DGKD: variants seen among roughly 807,000 people sequenced by gnomAD.
The protein encoded by DGKD is diacylglycerol kinase delta.
A neutral mutation model predicts 154.4 loss-of-function variants in DGKD; 68 were observed. That is an observed-to-expected ratio of 0.44 (90% CI 0.36 to 0.54). The LOEUF (loss-of-function observed/expected upper bound fraction) is 0.54. Among genes scored for constraint, DGKD ranks in the 20% least tolerant of loss-of-function variants. The probability of loss-of-function intolerance (pLI) is 0.00; values close to 1 mark genes in which losing one functional copy is unlikely to be tolerated. For synonymous variants in DGKD, 693 were observed against 638.0 expected (o/e 1.09, Z -1.30); for missense variants, 1,343 against 1,593.6 (o/e 0.84, Z 2.68).
Position 233,354,787 on chromosome 2 carries a change from G to C in DGKD, c.156+113G>C. ...CCAGGCCCGGCTCGGCCCGGCCCGG[G>C]GTCCCGCGGGCGTCACCGCCCCTGT... is the stretch of plus-strand genomic sequence containing the variant. On this transcript the variant is annotated intron_variant, in intron 1 of 29. Transcript: ENST00000264057. This position sits in a 1 kb window ranked among gnomAD's most constrained non-coding sequence, Gnocchi z 4.8. 2 of 559,624 alleles carry C rather than the reference G, an allele frequency of 3.6e-6. No homozygotes were observed. Among genetic ancestry groups the C allele is most frequent in the South Asian group, 7.6e-5 (1 of 13,174 alleles). 34.7% of individuals were successfully genotyped at this position (559,624 alleles called of 1,614,324 possible).
At position 233,438,755 on chromosome 2, in the gene DGKD, CATCTATCT is replaced by C. The variant is rs3835771; in HGVS notation, c.1085+429_1085+436del. Among the ~76,000 whole-genome samples the C allele has an allele frequency of 0.19, 24,740 of 132,008 alleles. 2,353 individuals carry two copies. The highest frequency in any genetic ancestry group is 0.26 in the South Asian group (1,071 of 4,102). 86.6% of individuals were successfully genotyped at this position (132,008 alleles called of 152,430 possible). A position where few individuals can be genotyped will look rare whatever the true frequency, so the allele number is the denominator to read the frequency against. On this transcript the variant is annotated intron_variant, in intron 9 of 29. Transcript: ENST00000264057. This position sits in a 1 kb window ranked among gnomAD's most constrained non-coding sequence, Gnocchi z 4.1. ...ATTTTTTATTTATCTGTCTATCTATCATCTATCTATCTATCTATCTATCTATCTATCTA... is the reference window on the plus strand; with the variant it reads ...ATTTTTTATTTATCTGTCTATCTATCATCTATCTATCTATCTATCTATCTA...
intron 3 of DGKD, among the ~76,000 whole-genome samples, chr2:233,397,778 G>A (rs558153873): frequency 5.9e-4 from 90 of 152,186 alleles, no homozygotes; most frequent in Non-Finnish European, 1.1e-3. Flanking sequence ...TGTTAGGAGA[G>A]AGTGGAGTGG....
In DGKD at chr2:233,397,547, G is replaced by T. The variant is rs1217335590; in HGVS notation, c.348+7064G>T. Among the ~76,000 whole-genome samples, 31 of 65,594 alleles carry T rather than the reference G, an allele frequency of 4.7e-4. 1 individual carries two copies. Among genetic ancestry groups the T allele is most frequent in the Non-Finnish European group, 8.1e-4 (27 of 33,514 alleles). 43.0% of individuals were successfully genotyped at this position (65,594 alleles called of 152,430 possible). ...GGACCAGGGTGGCTGGGGGGGGGGGGCAGAGTGAGAGGACACCAGAGGGGA... is the reference window on the plus strand; with the variant it reads ...GGACCAGGGTGGCTGGGGGGGGGGGTCAGAGTGAGAGGACACCAGAGGGGA... On this transcript the variant is annotated intron_variant, in intron 3 of 29. Transcript: ENST00000264057.
chr2:233,372,809 G>T (rs191012777), intron 1 of DGKD, among the ~76,000 whole-genome samples: 1 of 152,156 alleles, frequency 6.6e-6, no homozygotes, highest in South Asian at 2.1e-4. Context: ...GACTTAGTGA[G>T]TGTCTGAATA....
intron 3 of DGKD, among the ~76,000 whole-genome samples, chr2:233,410,435 C>T (rs1410477886): frequency 6.6e-6 from 1 of 152,176 alleles, no homozygotes; most frequent in Non-Finnish European, 1.5e-5. Context: ...GGTTTGCTTC[C>T]TGTGAAAACT....
At chr2:233,464,309 G>A (rs2063761709) in intron 27 of DGKD, 26 bp downstream of exon 27, 1 of 1,609,864 alleles carries the variant, frequency 6.2e-7, no homozygotes, top group South Asian at 1.1e-5. Flanking sequence ...GGCTGTGCCT[G>A]GGTCTCCCGG....
At chr2:233,376,841 G>A (rs549071321) in intron 1 of DGKD, among the ~76,000 whole-genome samples, 3 of 152,174 alleles carry the variant, frequency 2.0e-5, no homozygotes, top group Non-Finnish European at 2.9e-5. Context: ...TCAGCCTCCT[G>A]GGTGCTGCTG....
Position 233,438,112 on chromosome 2 carries a change from C to A in DGKD, c.923-105C>A. The A allele has an allele frequency of 7.8e-7, 1 of 1,284,066 alleles. No homozygotes were observed. The highest frequency in any genetic ancestry group is 1.1e-6 in the Non-Finnish European group (1 of 912,924). The allele number at this position is 1,284,066 out of a possible 1,614,324, so 79.5% of individuals were successfully genotyped here. A position where few individuals can be genotyped will look rare whatever the true frequency, so the allele number is the denominator to read the frequency against. On this transcript the variant is annotated intron_variant, in intron 8 of 29. Transcript: ENST00000264057. The surrounding 1 kb of genome is among the most constrained non-coding windows in gnomAD (Gnocchi z 4.1). ...TCCTGACTTACAGGTGTGCATGTGT[C>A]AGGTGTGTGTCCTTTGGGGGGGTCT...
intron 12 of DGKD, 65 bp from the exon 13 acceptor site, chr2:233,448,022 C>T: frequency 6.2e-7 from 1 of 1,603,542 alleles, no homozygotes; most frequent in African/African-American, 1.3e-5. Context: ...GACAGAGTCA[C>T]TGGGACTGTC....
At chr2:233,394,467 C>G (rs1246609442) in intron 3 of DGKD, among the ~76,000 whole-genome samples, 1 of 151,944 alleles carries the variant, frequency 6.6e-6, no homozygotes, top group African/African-American at 2.4e-5. Context: ...TGGTCTCAAA[C>G]TCCTGGCATC....
At position 233,440,509 on chromosome 2, in the gene DGKD, G is replaced by A. The variant is rs1050710163; in HGVS notation, c.1086-1378G>A. ...CTGGGAACCCGGTGGGGGCAGGGTC[G>A]CAAGTCAAACTGGGCGTCCTTCCAC... On this transcript the variant is annotated intron_variant, in intron 9 of 29. Transcript: ENST00000264057. This position sits in a 1 kb window ranked among gnomAD's most constrained non-coding sequence, Gnocchi z 4.9. Among the ~76,000 whole-genome samples the A allele has an allele frequency of 3.9e-5, 6 of 152,132 alleles. No individual in the cohort carries two copies. The highest frequency in any genetic ancestry group is 5.9e-5 in the Non-Finnish European group (4 of 68,032).
intron 17 of DGKD, 121 bp downstream of exon 17, chr2:233,451,171 G>C: frequency 1.4e-5 from 9 of 622,762 alleles, no homozygotes; most frequent in Non-Finnish European, 1.4e-5. Flanking sequence ...AAGATAGGTG[G>C]AATTGAAAAA....
In DGKD at chr2:233,452,132, A is replaced by G. The variant is rs1206752389; in HGVS notation, c.2264+72A>G. On this transcript the variant is annotated intron_variant, in intron 18 of 29. Coordinates refer to ENST00000264057, the MANE Select transcript of DGKD (RefSeq NM_152879.3). The surrounding 1 kb of genome is among the most constrained non-coding windows in gnomAD (Gnocchi z 4.0). ...TAGTGCATAGAAAACAGATCTCAGGATTAACTAGAGAAATTAGTGAGCAGT... is the reference window on the plus strand; with the variant it reads ...TAGTGCATAGAAAACAGATCTCAGGGTTAACTAGAGAAATTAGTGAGCAGT... The G allele has an allele frequency of 5.7e-6, 8 of 1,402,972 alleles. No homozygotes were observed. Among genetic ancestry groups the G allele is most frequent in the Non-Finnish European group, 8.1e-6 (8 of 991,268 alleles). 86.9% of individuals were successfully genotyped at this position (1,402,972 alleles called of 1,614,324 possible). A position where few individuals can be genotyped will look rare whatever the true frequency, so the allele number is the denominator to read the frequency against.
rs2063502605 is a variant in DGKD, at chr2:233,457,631, T to TG, written c.2580+305dup. On this transcript the variant is annotated intron_variant, in intron 21 of 29. Transcript: ENST00000264057. The surrounding 1 kb of genome is among the most constrained non-coding windows in gnomAD (Gnocchi z 5.5). ...GGAGGCCAAGACCTGAAGGATGAGT[T>TG]GGAGTTGGCTAAGTTAGGTGGGCAG... is the stretch of plus-strand genomic sequence containing the variant. 3 of 522,024 alleles carry TG rather than the reference T, an allele frequency of 5.7e-6. No individual in the cohort carries two copies. Among genetic ancestry groups the TG allele is most frequent in the Middle Eastern group, 2.9e-4 (1 of 3,460 alleles). 32.3% of individuals were successfully genotyped at this position (522,024 alleles called of 1,614,324 possible). A position where few individuals can be genotyped will look rare whatever the true frequency, so the allele number is the denominator to read the frequency against.
chr2:233,455,672 G>A (rs764671054), intron 19 of DGKD, among the ~76,000 whole-genome samples: 5 of 152,368 alleles, frequency 3.3e-5, no homozygotes, highest in Non-Finnish European at 4.4e-5. Flanking sequence ...GTCTTCGTCC[G>A]CTGAGTCAGG....
At chr2:233,377,475 A>G (rs190384335) in intron 1 of DGKD, among the ~76,000 whole-genome samples, 2 of 152,256 alleles carry the variant, frequency 1.3e-5, no homozygotes, top group East Asian at 1.9e-4. Context: ...AATATCTTCC[A>G]CAATCCTTGT....
intron 3 of DGKD, among the ~76,000 whole-genome samples, chr2:233,424,290 A>G (rs1481877899): frequency 1.3e-5 from 2 of 152,184 alleles, no homozygotes; most frequent in Admixed American, 6.5e-5. Flanking sequence ...GTCCAAATTC[A>G]TGGTTAGAAA....
At chr2:233,465,509 T>C (rs753076340) in intron 27 of DGKD, among the ~76,000 whole-genome samples, 2 of 152,284 alleles carry the variant, frequency 1.3e-5, no homozygotes, top group East Asian at 1.9e-4. Context: ...CCCAGCACTT[T>C]GGAAGGCCAA....
chr2:233,388,373 G>T lies in DGKD; in HGVS notation c.267+6G>T. 8 of 1,610,568 alleles carry T rather than the reference G, an allele frequency of 5.0e-6. No individual in the cohort carries two copies. Among genetic ancestry groups the T allele is most frequent in the African/African-American group, 1.3e-5 (1 of 74,854 alleles). ...ACTATGCCAAAACGGCAAAGGTGAG[G>T]CCCCATGCAGGAAAGCACACGCGAG... On this transcript the variant is annotated splice_donor_region_variant and intron_variant, in intron 2 of 29. Transcript: ENST00000264057.
Sources: allele counts gnomAD v4.1 joint callset (sites outside exome capture counted in the v4.1 genomes callset), GRCh38; gene constraint gnomAD v4.1.1; non-coding constraint Gnocchi (gnomAD v3.1); transcripts MANE v1.5; gene names NCBI Gene and HGNC (gene_info 2026-07-23, HGNC 2026-07-21).